Variants in SQSTM1 observed in about 807,000 individuals in gnomAD.
SQSTM1 encodes the protein sequestosome 1, also known as sequestosome-1.
Under a neutral mutation model 45.1 loss-of-function variants are expected in SQSTM1, and 36 were observed. That is an observed-to-expected ratio of 0.80 (90% CI 0.61 to 1.05). The LOEUF is 1.05. Ranked by LOEUF, SQSTM1 falls within the 50% of genes least tolerant of loss-of-function variation. SQSTM1 has a pLI of 0.00. For missense variants in SQSTM1, 617 were observed against 607.1 expected (o/e 1.02, Z -0.17); for synonymous variants, 290 against 244.3 (o/e 1.19, Z -1.74).
At position 179,825,216 on chromosome 5, in the gene SQSTM1, T is replaced by G; in HGVS notation, c.744T>G (p.Leu248=). The G allele has an allele frequency of 6.2e-7, 1 of 1,613,800 alleles. No homozygotes were observed. The highest frequency in any genetic ancestry group is 1.7e-5 in the Admixed American group (1 of 60,024). Reference sequence around the variant, plus strand: ...TTGGGGAGAGTGTGGCAGCTGCCCTTAGCCCTCTGGGTGAGTGCACCTCCT... The same window carrying G: ...TTGGGGAGAGTGTGGCAGCTGCCCTGAGCCCTCTGGGTGAGTGCACCTCCT... ...KNVGESVAAA[L]SPLGIEVDID... Residue 248 remains leucine (L), a synonymous_variant, in exon 5 of 8, where the codon CTT becomes CTG. Coordinates refer to ENST00000389805, the MANE Select transcript of SQSTM1 (RefSeq NM_003900.5).
chr5:179,823,812 A>T (rs1302634061), intron 2 of SQSTM1, 46 bp from the exon 3 acceptor site: 1 of 1,591,024 alleles, frequency 6.3e-7, no homozygotes, highest in South Asian at 1.1e-5. Context: ...GAGGGGGAGG[A>T]CTTTAGGGGG....
intron 7 of SQSTM1, among the ~76,000 whole-genome samples, chr5:179,834,434 T>C (rs928529512): frequency 6.6e-6 from 1 of 152,110 alleles, no homozygotes; most frequent in Non-Finnish European, 1.5e-5. Context: ...TTTATTTTTA[T>C]TGATCATTCT....
chr5:179,811,816 ACGGATGGGCGAACGG>A (rs1757414917), intron 2 of SQSTM1: 1 of 152,146 alleles, frequency 6.6e-6, no homozygotes, highest in Non-Finnish European at 1.5e-5. Context: ...TTACTTCTGG[ACGGATGGGCGAACGG>A]CGGTTCTCTG....
chr5:179,807,480 G>C (rs1757224176), intron 1 of SQSTM1: 1 of 152,284 alleles, frequency 6.6e-6, no homozygotes, highest in African/African-American at 2.4e-5. Context: ...GCAGTGACCA[G>C]CCCAGAACCG....
chr5:179,820,692 G>A (rs753385579), upstream of SQSTM1: 17 of 439,426 alleles, frequency 3.9e-5, no homozygotes, highest in Non-Finnish European at 6.4e-5. Context: ...GTGCACCGGG[G>A]CAATGAAGAG....
chr5:179,829,287 G>C (rs1440580871), intron 5 of SQSTM1, among the ~76,000 whole-genome samples: 2 of 152,212 alleles, frequency 1.3e-5, no homozygotes, highest in East Asian at 3.9e-4. Flanking sequence ...TCCCTGCTGA[G>C]GGAGGTTGAA....
Position 179,837,972 on chromosome 5 carries a change from G to A in SQSTM1, c.*1379G>A. 1 of 1,330,738 alleles carries A rather than the reference G, an allele frequency of 7.5e-7. No individual in the cohort carries two copies. Among genetic ancestry groups the A allele is most frequent in the Non-Finnish European group, 1.0e-6 (1 of 976,654 alleles). 82.4% of individuals were successfully genotyped at this position (1,330,738 alleles called of 1,614,324 possible). ...GCCTGCCCTGCCTGGGCCTTGGCTG[G>A]GCCTCTGGTTCTGACACTTTCTGCT... On this transcript the variant is annotated 3_prime_UTR_variant, in exon 8 of 8. Transcript: ENST00000389805.
chr5:179,824,184 C>T lies in SQSTM1; in HGVS notation c.534C>T (p.Gly178=). The T allele has an allele frequency of 6.2e-7, 1 of 1,613,822 alleles. No homozygotes were observed. Among genetic ancestry groups the T allele is most frequent in the Non-Finnish European group, 8.5e-7 (1 of 1,180,058 alleles). ...CGCTCTGCTAATTCCTCCCCCAGGG[C>T]TTCTCGCACAGCCGCTGGCTCCGGA... ...FPSPFGHLSE[G]FSHSRWLRKV... is the part of the protein sequence containing the mutation. Residue 178 remains glycine, a splice_region_variant and synonymous_variant, in exon 4 of 8, where the codon GGC becomes GGT. Transcript: ENST00000389805.
intron 1 of SQSTM1, among the ~76,000 whole-genome samples, chr5:179,821,957 A>T (rs552104139): frequency 6.6e-6 from 1 of 152,234 alleles, no homozygotes; most frequent in Non-Finnish European, 1.5e-5. Flanking sequence ...AAAAAAAAAA[A>T]AATTGTGATG....
intron 7 of SQSTM1, chr5:179,835,268 A>C (rs899347432): frequency 2.2e-5 from 4 of 183,792 alleles, no homozygotes; most frequent in African/African-American, 7.3e-5. Flanking sequence ...GACGCTCCTC[A>C]CTTCCCAGAC....
chr5:179,825,189 C>CGT lies in SQSTM1; in HGVS notation c.718_719dup (p.Gly241LeufsTer29). Reference sequence around the variant, plus strand: ...ATCCGAGTGTGAATTTCCTGAAGAACGTTGGGGAGAGTGTGGCAGCTGCCC... The same window carrying CGT: ...ATCCGAGTGTGAATTTCCTGAAGAACGTGTTGGGGAGAGTGTGGCAGCTGCCC... On this transcript the variant is annotated frameshift_variant, in exon 5 of 8. Coordinates refer to ENST00000389805, the MANE Select transcript of SQSTM1 (RefSeq NM_003900.5). LOFTEE classifies it high-confidence loss of function. The CGT allele has an allele frequency of 1.9e-6, 3 of 1,614,042 alleles. No homozygotes were observed. The highest frequency in any genetic ancestry group is 2.5e-6 in the Non-Finnish European group (3 of 1,180,002).
At chr5:179,821,248 G>A (rs1312330454) in intron 1 of SQSTM1, 107 bp downstream of exon 1, 10 of 1,121,480 alleles carry the variant, frequency 8.9e-6, no homozygotes, top group Non-Finnish European at 1.2e-5. Context: ...GGGCCGTGAG[G>A]GGGTCTGCGC....
intron 1 of SQSTM1, among the ~76,000 whole-genome samples, chr5:179,810,812 C>G (rs1757372268): frequency 6.6e-6 from 1 of 152,170 alleles, no homozygotes; most frequent in Admixed American, 6.5e-5. Context: ...GGCATTCTAA[C>G]TGGTGTGAGA....
chr5:179,822,357 T>C (rs1757814409), intron 1 of SQSTM1: 1 of 172,078 alleles, frequency 5.8e-6, no homozygotes, highest in Admixed American at 5.5e-5. Flanking sequence ...TTTGCATCTT[T>C]GGGTGCCTCA....
intron 4 of SQSTM1, 30 bp from the exon 5 acceptor site, chr5:179,825,116 A>G (rs779028564): frequency 3.1e-6 from 5 of 1,608,848 alleles, no homozygotes; most frequent in Non-Finnish European, 2.6e-6. Flanking sequence ...CATTAAAGAT[A>G]TCTTTATCTT....
At position 179,823,982 on chromosome 5, in the gene SQSTM1, C is replaced by CAGCGTCTGCCCAGACTACGACTTGTGT. The variant is rs754933881; in HGVS notation, c.436_462dup (p.Pro146_Cys154dup). 1.2e-6 allele frequency: 2 copies of CAGCGTCTGCCCAGACTACGACTTGTGT among 1,614,050 alleles called. No individual in the cohort carries two copies. Among genetic ancestry groups the CAGCGTCTGCCCAGACTACGACTTGTGT allele is most frequent in the Admixed American group, 1.7e-5 (1 of 60,034 alleles). On this transcript the variant is annotated inframe_insertion, in exon 3 of 8. Coordinates refer to ENST00000389805, the MANE Select transcript of SQSTM1 (RefSeq NM_003900.5). ...CTGTGGTAGGAACCCGCTACAAGTG[C>CAGCGTCTGCCCAGACTACGACTTGTGT]AGCGTCTGCCCAGACTACGACTTGT...
chr5:179,823,806 G>A (rs991368211), intron 2 of SQSTM1, 52 bp from the exon 3 acceptor site: 6 of 1,583,926 alleles, frequency 3.8e-6, no homozygotes, highest in Non-Finnish European at 5.2e-6. Context: ...ACGACAGAGG[G>A]GGAGGACTTT....
At chr5:179,836,334 TG>T in intron 7 of SQSTM1, 101 bp from the exon 8 acceptor site, 1 of 1,528,172 alleles carries the variant, frequency 6.5e-7, no homozygotes, top group Non-Finnish European at 9.0e-7. Context: ...GCTCGGACAC[TG>T]GCAGACCCTG....
chr5:179,820,994 A>G lies in SQSTM1; in HGVS notation c.58A>G (p.Ile20Val). 1 of 1,574,868 alleles carries G rather than the reference A, an allele frequency of 6.3e-7. No individual in the cohort carries two copies. The highest frequency in any genetic ancestry group is 1.4e-5 in the African/African-American group (1 of 71,472). ...GGGCAAGGAGGACGCGGCGCGCGAG[A>G]TTCGCCGCTTCAGCTTCTGCTGCAG... is the stretch of plus-strand genomic sequence containing the variant. The part of the protein sequence containing the change: ...LLGKEDAARE[I>V]RRFSFCCSPE... Residue 20 changes from isoleucine (I) to valine (V), a missense_variant, in exon 1 of 8, where the codon ATT becomes GTT. By Grantham distance (29) the Ile-to-Val change is conservative. Transcript: ENST00000389805.
Sources: allele counts gnomAD v4.1 joint callset (sites outside exome capture counted in the v4.1 genomes callset), GRCh38; gene constraint gnomAD v4.1.1; transcripts MANE v1.5; gene names NCBI Gene and HGNC (gene_info 2026-07-23, HGNC 2026-07-21).